The following SYTL5 variants were observed in gnomAD, a reference collection of about 807,000 sequenced individuals.
SYTL5 encodes synaptotagmin-like protein 5.
In SYTL5, 34 loss-of-function variants were observed where a neutral mutation model predicts 55.9. The ratio of observed to expected loss-of-function variants is 0.61; its 90% CI spans 0.46 to 0.81. The LOEUF is 0.81. SYTL5 is among the 30% of genes least tolerant of loss of function. SYTL5 has a pLI of 0.00. For synonymous variants in SYTL5, 221 were observed against 188.7 expected (o/e 1.17, Z -1.40); for missense variants, 637 against 546.7 (o/e 1.17, Z -1.65).
the SYTL5 span, among the ~76,000 whole-genome samples, chrX:37,895,533 C>T: frequency 9.9e-6 from 1 of 101,438 alleles, no homozygotes; most frequent in Admixed American, 1.1e-4. Context: ...TCTCTCTCCT[C>T]TCTCCTTCCT....
At chrX:38,022,893 G>A (rs1445510912) in intron 1 of SYTL5, among the ~76,000 whole-genome samples, 1 of 111,642 alleles carries the variant, frequency 9.0e-6, no homozygotes, top group African/African-American at 3.3e-5. Context: ...CTTACAAATA[G>A]GAAGATCTGG....
chrX:38,114,842 C>A (rs1269060326), intron 13 of SYTL5, among the ~76,000 whole-genome samples: 1 of 111,032 alleles, frequency 9.0e-6, no homozygotes, highest in Non-Finnish European at 1.9e-5. Flanking sequence ...GTTCTCCCCA[C>A]CCCCAGCCCC....
rs1404931985 is a variant in SYTL5, at chrX:38,094,340, A to C, written c.877A>C (p.Thr293Pro). Residue 293 changes from threonine to proline, a missense_variant, in exon 8 of 17, where the codon ACC becomes CCC. Coordinates refer to ENST00000297875, the MANE Select transcript of SYTL5 (RefSeq NM_138780.3). ...NSMDLAAIEG[T>P]SQELTKSHRR... ...CATGGATTTGGCTGCTATTGAAGGT[A>C]CCTCTCAGGAGCTCACAAAGAGTCA... 15 of 1,201,118 alleles carry C rather than the reference A, an allele frequency of 1.2e-5. No individual in the cohort carries two copies. Among genetic ancestry groups the C allele is most frequent in the Non-Finnish European group, 1.7e-5 (15 of 889,319 alleles).
At chrX:37,948,524 C>T in the SYTL5 span, among the ~76,000 whole-genome samples, 2 of 109,882 alleles carry the variant, frequency 1.8e-5, no homozygotes, top group African/African-American at 6.6e-5. Flanking sequence ...TATATATTTA[C>T]ATATATTTTT....
At chrX:37,983,321 G>T in the SYTL5 span, among the ~76,000 whole-genome samples, 1 of 111,921 alleles carries the variant, frequency 8.9e-6, no homozygotes, top group Non-Finnish European at 1.9e-5. Flanking sequence ...AAAATTGATT[G>T]TAAGTAAAAC....
chrX:38,036,192 G>A (rs1252366088), intron 2 of SYTL5, among the ~76,000 whole-genome samples: 2 of 110,444 alleles, frequency 1.8e-5, no homozygotes, highest in Admixed American at 1.9e-4. Context: ...TGTAATCCCA[G>A]CTACTCGGGA....
the SYTL5 span, among the ~76,000 whole-genome samples, chrX:37,917,840 G>C: frequency 9.0e-6 from 1 of 111,510 alleles, no homozygotes; most frequent in Admixed American, 9.6e-5. Flanking sequence ...ATAAGAAAGG[G>C]GAGGGCAGGA....
chrX:38,073,140 C>G (rs1306306427), intron 4 of SYTL5, among the ~76,000 whole-genome samples: 1 of 111,983 alleles, frequency 8.9e-6, no homozygotes, highest in Non-Finnish European at 1.9e-5. Context: ...ACCCCAGTAC[C>G]TTCCAGAATG....
At chrX:38,004,903 AT>A (rs1692060837), upstream of SYTL5, among the ~76,000 whole-genome samples, 1 of 111,329 alleles carries the variant, frequency 9.0e-6, no homozygotes, top group African/African-American at 3.3e-5. Flanking sequence ...TTAATTGTGC[AT>A]TTTAAAATAA....
At chrX:38,017,314 A>G (rs1934387645) in intron 1 of SYTL5, among the ~76,000 whole-genome samples, 1 of 112,230 alleles carries the variant, frequency 8.9e-6, no homozygotes, top group Admixed American at 9.4e-5. Flanking sequence ...GGAAGATGTA[A>G]TATAACACTG....
the SYTL5 span, among the ~76,000 whole-genome samples, chrX:37,926,915 T>C: frequency 1.8e-5 from 2 of 112,039 alleles, no homozygotes; most frequent in Non-Finnish European, 3.8e-5. Flanking sequence ...TTGATATAAC[T>C]TATAGAGACA....
the SYTL5 span, among the ~76,000 whole-genome samples, chrX:37,960,173 G>C: frequency 1.2e-4 from 13 of 111,481 alleles, no homozygotes; most frequent in African/African-American, 4.2e-4. Context: ...AGATCTCCAA[G>C]AGTTTTTCTC....
At chrX:38,025,381 T>G (rs1334637735) in intron 1 of SYTL5, among the ~76,000 whole-genome samples, 1 of 112,234 alleles carries the variant, frequency 8.9e-6, no homozygotes, top group Non-Finnish European at 1.9e-5. Flanking sequence ...CCCTATTATT[T>G]TTAGGTGTGT....
At chrX:37,910,000 A>C in the SYTL5 span, among the ~76,000 whole-genome samples, 169 of 111,302 alleles carry the variant, frequency 1.5e-3, no homozygotes, top group African/African-American at 5.0e-3. Context: ...ATCAAGATTT[A>C]TGAGCTGATC....
At chrX:38,097,812 TATAG>T (rs1936975120) in intron 9 of SYTL5, among the ~76,000 whole-genome samples, 1 of 108,646 alleles carries the variant, frequency 9.2e-6, no homozygotes, top group African/African-American at 3.3e-5. Context: ...ACTCTACAGT[TATAG>T]CTATCAGTAC....
Position 38,123,318 on chromosome X carries a change from A to G in SYTL5, c.1841+1103A>G, listed in dbSNP as rs929208961. On this transcript the variant is annotated intron_variant, in intron 15 of 16. Transcript: ENST00000297875. ...TTTTATTTTTATTTTTAGTAGAGACAGGGTTTCACCACATTGGCCAGGCTG... is the reference window on the plus strand; with the variant it reads ...TTTTATTTTTATTTTTAGTAGAGACGGGGTTTCACCACATTGGCCAGGCTG... 9.0e-5 allele frequency among the ~76,000 whole-genome samples: 10 copies of G among 111,085 alleles called. No individual in the cohort carries two copies. In the South Asian group the frequency reaches 3.4e-3, roughly 38 times the overall value.
At chrX:38,031,052 C>T (rs188878265) in intron 1 of SYTL5, among the ~76,000 whole-genome samples, 63 of 111,551 alleles carry the variant, frequency 5.6e-4, no homozygotes, top group African/African-American at 2.0e-3. Flanking sequence ...GCTTGAACAG[C>T]GGGCTTACAG....
the SYTL5 span, among the ~76,000 whole-genome samples, chrX:37,961,258 T>C: frequency 1.8e-5 from 2 of 111,675 alleles, no homozygotes; most frequent in African/African-American, 6.5e-5. Flanking sequence ...GAAAAGAAGT[T>C]TATTTAGTTC....
the SYTL5 span, among the ~76,000 whole-genome samples, chrX:37,904,181 C>T: frequency 5.6e-5 from 6 of 107,341 alleles, no homozygotes; most frequent in Non-Finnish European, 1.1e-4. Flanking sequence ...CACACTCACT[C>T]TCTGGGGAAT....
Sources: gnomAD v4.1 joint callset for allele counts (sites outside exome capture counted in the v4.1 genomes callset) on GRCh38, gnomAD v4.1.1 for gene constraint, MANE v1.5 for transcripts, NCBI Gene and HGNC (gene_info 2026-07-23, HGNC 2026-07-21) for gene names.